FRMD4A: variants seen among roughly 807,000 people sequenced by gnomAD.
The protein encoded by FRMD4A is FERM domain containing 4A.
In FRMD4A, 29 loss-of-function variants were observed where a neutral mutation model predicts 129.1. The observed-to-expected ratio is 0.22, with a 90% CI of 0.17 to 0.31. The LOEUF (loss-of-function observed/expected upper bound fraction) is 0.31, where lower values mean the gene tolerates loss of function less well. FRMD4A is among the 10% of genes least tolerant of loss of function. The pLI is 1.00. For synonymous variants in FRMD4A, 634 were observed against 571.6 expected, an observed-to-expected ratio of 1.11 and a Z score of -1.56; for missense variants, 1,272 against 1,375.8, an observed-to-expected ratio of 0.92 and a Z score of 1.19.
At chr10:13,694,092 G>A in intron 14 of FRMD4A, 53 bp from the exon 15 acceptor site, 2 of 1,460,310 alleles carry the variant, frequency 1.4e-6, no homozygotes, top group East Asian at 2.4e-5. Context: ...TTGCGGAAAG[G>A]ACAGTCATCC....
At position 14,109,454 on chromosome 10, in the gene FRMD4A, A is replaced by G. The variant is rs752578065; in HGVS notation, c.45+220604T>C. Among the ~76,000 whole-genome samples, 50 of 152,242 alleles carry G rather than the reference A, an allele frequency of 3.3e-4. 1 individual carries two copies. Among genetic ancestry groups the G allele is most frequent in the Admixed American group, 2.3e-3 (35 of 15,286 alleles). On this transcript the variant is annotated intron_variant, in intron 2 of 24. Transcript: ENST00000357447. ...ATGAGTGTTACACGAAAAAGGCAAC[A>G]GATATATAGTTGTTTCTTTTAAAGG...
intron 2 of FRMD4A, among the ~76,000 whole-genome samples, chr10:14,002,950 C>T (rs961525908): frequency 1.3e-5 from 2 of 152,130 alleles, no homozygotes; most frequent in Non-Finnish European, 2.9e-5. Flanking sequence ...ATATAACATT[C>T]CCAGGGTAAA....
At chr10:13,745,788 T>C (rs1162666158) in intron 9 of FRMD4A, among the ~76,000 whole-genome samples, 1 of 152,192 alleles carries the variant, frequency 6.6e-6, no homozygotes, top group Non-Finnish European at 1.5e-5. Flanking sequence ...TGGTCCTCTC[T>C]AGTTACCTTC....
At chr10:13,659,997 G>C (rs1243509970) in intron 20 of FRMD4A, among the ~76,000 whole-genome samples, 7 of 152,236 alleles carry the variant, frequency 4.6e-5, no homozygotes, top group African/African-American at 1.4e-4. Flanking sequence ...TTTGCTCCGA[G>C]TGGACTTTCA....
chr10:13,964,270 C>G (rs192956804), intron 2 of FRMD4A, among the ~76,000 whole-genome samples: 7 of 152,146 alleles, frequency 4.6e-5, no homozygotes, highest in African/African-American at 1.7e-4. Flanking sequence ...CAAACACAAT[C>G]CCCCTCCCCA....
intron 2 of FRMD4A, among the ~76,000 whole-genome samples, chr10:14,227,335 C>A (rs1032251377): frequency 7.3e-6 from 1 of 137,852 alleles, no homozygotes; most frequent in Non-Finnish European, 1.5e-5. Flanking sequence ...CACTGCAATC[C>A]CCACCTCCTG....
chr10:14,238,436 C>G (rs545627107), intron 2 of FRMD4A, among the ~76,000 whole-genome samples: 8 of 152,336 alleles, frequency 5.3e-5, no homozygotes, highest in South Asian at 2.1e-4. Flanking sequence ...CGTGGCCCAT[C>G]ATTTCTCCAA....
intron 13 of FRMD4A, among the ~76,000 whole-genome samples, chr10:13,702,913 GAA>G (rs34246612): frequency 0.02 from 2,602 of 131,870 alleles, 86 homozygotes; most frequent in African/African-American, 0.061. Context: ...AAAAGTGAAG[GAA>G]AAAAAAAAAA....
chr10:14,286,472 G>A (rs1845684076), intron 2 of FRMD4A, among the ~76,000 whole-genome samples: 1 of 152,098 alleles, frequency 6.6e-6, no homozygotes, highest in Admixed American at 6.5e-5. Flanking sequence ...TCTTTCTTAA[G>A]TAGTGGCTTG....
intron 2 of FRMD4A, among the ~76,000 whole-genome samples, chr10:13,980,035 A>G (rs1005467956): frequency 1.3e-5 from 2 of 152,244 alleles, no homozygotes; most frequent in Non-Finnish European, 2.9e-5. Context: ...GACCTGATGA[A>G]TGGGAATGGA....
At chr10:14,202,020 C>T (rs1842651668) in intron 2 of FRMD4A, among the ~76,000 whole-genome samples, 1 of 152,138 alleles carries the variant, frequency 6.6e-6, no homozygotes, top group Admixed American at 6.5e-5. Context: ...TGCCTGTAAT[C>T]CCAGCTACTC....
rs2094354691 is a variant in FRMD4A, at chr10:13,865,462, A to ATTTTATTTTATTTG, written c.46-6551_46-6550insCAAATAAAATAAAA. On this transcript the variant is annotated intron_variant, in intron 2 of 24. Coordinates refer to ENST00000357447, the MANE Select transcript of FRMD4A (RefSeq NM_018027.5). ...TATTTTATTTTATTTTATTTTATTT[A>ATTTTATTTTATTTG]TTTTTATAGACAGGGTTTTGCTCTG... 7.8e-5 allele frequency among the ~76,000 whole-genome samples: 3 copies of ATTTTATTTTATTTG among 38,706 alleles called. No individual in the cohort carries two copies. The East Asian group carries it at 2.9e-3, about 37-fold the overall frequency. The allele number at this position is 38,706 out of a possible 152,430, so 25.4% of individuals were successfully genotyped here. A position where few individuals can be genotyped will look rare whatever the true frequency, so the allele number is the denominator to read the frequency against.
intron 3 of FRMD4A, among the ~76,000 whole-genome samples, chr10:13,818,264 G>A (rs1424149747): frequency 6.6e-6 from 1 of 151,998 alleles, no homozygotes. Flanking sequence ...CCTGGGATCA[G>A]TGATCCTCCA....
intron 2 of FRMD4A, among the ~76,000 whole-genome samples, chr10:14,076,498 G>A (rs570182714): frequency 6.6e-6 from 1 of 152,082 alleles, no homozygotes; most frequent in Non-Finnish European, 1.5e-5. Flanking sequence ...AAATTAGCTG[G>A]GTGTGGTGGT....
intron 2 of FRMD4A, among the ~76,000 whole-genome samples, chr10:13,975,387 CTT>C (rs1411148256): frequency 6.6e-6 from 1 of 150,486 alleles, no homozygotes; most frequent in Non-Finnish European, 1.5e-5. Flanking sequence ...CTGCATATGT[CTT>C]TGTCTCTGTG....
chr10:13,663,588 A>G (rs999728037), intron 18 of FRMD4A, 79 bp from the exon 19 acceptor site: 5 of 784,316 alleles, frequency 6.4e-6, no homozygotes, highest in Non-Finnish European at 1.2e-5. Flanking sequence ...TAGCATGTCT[A>G]CTACCACCTC....
chr10:14,230,070 A>G (rs1474319653), intron 2 of FRMD4A, among the ~76,000 whole-genome samples: 1 of 152,216 alleles, frequency 6.6e-6, no homozygotes, highest in African/African-American at 2.4e-5. Flanking sequence ...AGCTTCTTAT[A>G]AATAGTTACT....
intron 2 of FRMD4A, among the ~76,000 whole-genome samples, chr10:14,266,416 T>C (rs1159615670): frequency 6.6e-6 from 1 of 152,188 alleles, no homozygotes. Flanking sequence ...ATATTTTCTG[T>C]TACAGTGCCA....
In FRMD4A at chr10:13,879,342, C is replaced by CA. The variant is rs913265119; in HGVS notation, c.46-20431dup. Among the ~76,000 whole-genome samples, 12 of 151,652 alleles carry CA rather than the reference C, an allele frequency of 7.9e-5. No individual in the cohort carries two copies. The East Asian group carries it at 9.7e-4, about 12-fold the overall frequency. On this transcript the variant is annotated intron_variant, in intron 2 of 24. Transcript: ENST00000357447. ...CAAGACCCCATCTCTCAAAAACAAA[C>CA]AAAAAAAATCTTTTAAAAAACGTAG...
Sources: gnomAD v4.1 joint callset for allele counts (sites outside exome capture counted in the v4.1 genomes callset) on GRCh38, gnomAD v4.1.1 for gene constraint, MANE v1.5 for transcripts, NCBI Gene and HGNC (gene_info 2026-07-23, HGNC 2026-07-21) for gene names.